The following IL1R2 variants were observed in gnomAD, a reference collection of about 807,000 sequenced individuals.
The protein encoded by IL1R2 is interleukin 1 receptor type 2, also known as interleukin-1 receptor type 2.
Under a neutral mutation model 39.5 loss-of-function variants are expected in IL1R2, and 46 were observed. The observed-to-expected ratio is 1.16, with a 90% confidence interval of 0.92 to 1.49. The LOEUF (loss-of-function observed/expected upper bound fraction) is 1.49. Among genes scored for constraint, IL1R2 ranks in the 40% most tolerant of loss-of-function variants. The pLI is 0.00. For missense variants in IL1R2, 537 were observed against 502.0 expected, an observed-to-expected ratio of 1.07 and a Z score of -0.67; for synonymous variants, 207 against 189.6, an observed-to-expected ratio of 1.09 and a Z score of -0.75.
In IL1R2 at chr2:102,001,807, T is replaced by C. The variant is rs1577682879; in HGVS notation, c.-61-6708T>C. The stretch of plus-strand genomic sequence containing the variant: ...GGTTAATTTTGATGTAAATATTTAT[T>C]TCCTCATGGGTTTCAAAGAATTTAT... On this transcript the variant is annotated intron_variant, in intron 1 of 8. Transcript: ENST00000332549. 2.0e-5 allele frequency among the ~76,000 whole-genome samples: 3 copies of C among 152,324 alleles called. No homozygotes were observed. The South Asian group carries it at 6.2e-4, about 32-fold the overall frequency.
Position 102,009,558 on chromosome 2 carries a change from T to A in IL1R2, c.68-4T>A. ...AGCCTGACCATGGGCTCTCTGTCCTTCAGGGGCTGCCAGAAGCTGCCGGTT... is the reference window on the plus strand; with the variant it reads ...AGCCTGACCATGGGCTCTCTGTCCTACAGGGGCTGCCAGAAGCTGCCGGTT... On this transcript the variant is annotated splice_polypyrimidine_tract_variant and splice_region_variant and intron_variant, in intron 2 of 8. Coordinates refer to ENST00000332549, the MANE Select transcript of IL1R2 (RefSeq NM_004633.4). The A allele has an allele frequency of 6.2e-7, 1 of 1,613,540 alleles. No homozygotes were observed.
intron 1 of IL1R2, among the ~76,000 whole-genome samples, chr2:101,996,915 A>G (rs1435027418): frequency 6.6e-6 from 1 of 152,110 alleles, no homozygotes; most frequent in African/African-American, 2.4e-5. Flanking sequence ...AGGGCAGGGG[A>G]ATTAAGCCTG....
At chr2:101,996,761 G>A (rs1285529170) in intron 1 of IL1R2, among the ~76,000 whole-genome samples, 4 of 151,090 alleles carry the variant, frequency 2.6e-5, no homozygotes, top group African/African-American at 9.7e-5. Flanking sequence ...CTGATTATAT[G>A]TATTATATAC....
At chr2:102,005,334 A>C (rs1676193857) in intron 1 of IL1R2, among the ~76,000 whole-genome samples, 1 of 152,210 alleles carries the variant, frequency 6.6e-6, no homozygotes, top group African/African-American at 2.4e-5. Flanking sequence ...TACCTGAAAT[A>C]GTTGAGTATC....
chr2:102,028,138 C>T, intron 8 of IL1R2, 88 bp from the exon 9 acceptor site: 2 of 1,149,038 alleles, frequency 1.7e-6, no homozygotes, highest in Non-Finnish European at 2.3e-6. Flanking sequence ...ACTCCAATTT[C>T]TTTCTTATCT....
rs926197226 is a variant in IL1R2, at chr2:102,008,696, A to G, written c.67+54A>G. On this transcript the variant is annotated intron_variant, in intron 2 of 8. Coordinates refer to ENST00000332549, the MANE Select transcript of IL1R2 (RefSeq NM_004633.4). ...AGGCTTGCCTGTAGCTTCGCTGGGG[A>G]AAGATGTTATCTAGAGAAGTTTCCT... 2.1e-6 allele frequency: 3 copies of G among 1,449,336 alleles called. No individual in the cohort carries two copies. The African/African-American group carries it at 4.2e-5, about 20-fold the overall frequency. 89.8% of individuals were successfully genotyped at this position (1,449,336 alleles called of 1,614,324 possible).
At chr2:101,996,162 G>A (rs1675575452) in intron 1 of IL1R2, among the ~76,000 whole-genome samples, 1 of 146,342 alleles carries the variant, frequency 6.8e-6, no homozygotes, top group Non-Finnish European at 1.5e-5. Flanking sequence ...CACCATGTAG[G>A]GTTACCCAGT....
Position 102,019,812 on chromosome 2 carries a change from A to G in IL1R2, c.688A>G (p.Lys230Glu). 1 of 1,612,536 alleles carries G rather than the reference A, an allele frequency of 6.2e-7. No individual in the cohort carries two copies. Among genetic ancestry groups the G allele is most frequent in the South Asian group, 1.1e-5 (1 of 90,778 alleles). Reference protein sequence around the residue: ...ITRSIELRIKKKKEETIPVII... With the variant: ...ITRSIELRIKEKKEETIPVII... Reference sequence around the variant, plus strand: ...TAGGAGTATTGAGCTACGCATCAAGAGTAAGTACTTGCCATTGAGGCACCT... The same window carrying G: ...TAGGAGTATTGAGCTACGCATCAAGGGTAAGTACTTGCCATTGAGGCACCT... The change falls in exon 5 of 9, where the codon AAA becomes GAA. Residue 230 changes from lysine (K) to glutamate (E), a missense_variant and splice_region_variant. Lys to Glu is a moderately conservative substitution (Grantham distance 56). Transcript: ENST00000332549.
chr2:102,005,785 G>A (rs1221569238), intron 1 of IL1R2, among the ~76,000 whole-genome samples: 3 of 152,198 alleles, frequency 2.0e-5, no homozygotes, highest in South Asian at 2.1e-4. Flanking sequence ...GGTAAGATTC[G>A]GGGGTTCTAT....
At chr2:102,002,359 T>TGTGTCG (rs1675914325) in intron 1 of IL1R2, among the ~76,000 whole-genome samples, 2 of 151,624 alleles carry the variant, frequency 1.3e-5, no homozygotes, top group African/African-American at 4.9e-5. Flanking sequence ...TGTCTGTGTC[T>TGTGTCG]GTGTCTGTGT....
At chr2:102,014,611 G>T (rs1676873840) in intron 3 of IL1R2, among the ~76,000 whole-genome samples, 1 of 151,998 alleles carries the variant, frequency 6.6e-6, no homozygotes, top group Admixed American at 6.5e-5. Context: ...TTACTTTCAA[G>T]TGGTAAGCTT....
At chr2:102,021,236 A>T (rs1267552698) in intron 5 of IL1R2, among the ~76,000 whole-genome samples, 2 of 151,032 alleles carry the variant, frequency 1.3e-5, no homozygotes, top group Non-Finnish European at 2.9e-5. Flanking sequence ...GAGACAACTC[A>T]CAGCCCTCAC....
chr2:102,025,900 A>T (rs915203773), intron 7 of IL1R2, among the ~76,000 whole-genome samples: 28 of 152,188 alleles, frequency 1.8e-4, no homozygotes, highest in African/African-American at 5.6e-4. Flanking sequence ...GTGACCGCCA[A>T]CTTCAGTGAC....
chr2:102,000,575 T>C (rs188329595), intron 1 of IL1R2, among the ~76,000 whole-genome samples: 50 of 152,330 alleles, frequency 3.3e-4, no homozygotes, highest in African/African-American at 1.2e-3. Flanking sequence ...ACTGGCAGTG[T>C]GCATCTCGTG....
At chr2:102,026,381 A>G in intron 8 of IL1R2, 128 bp downstream of exon 8, 1 of 768,802 alleles carries the variant, frequency 1.3e-6, no homozygotes, top group South Asian at 3.0e-5. Context: ...GCTAGTGGAG[A>G]GCTGAAAAGA....
chr2:102,016,938 T>C (rs1376534385), intron 4 of IL1R2, among the ~76,000 whole-genome samples: 1 of 152,234 alleles, frequency 6.6e-6, no homozygotes, highest in African/African-American at 2.4e-5. Flanking sequence ...ATTAATATGT[T>C]CTATTAGTCC....
intron 6 of IL1R2, among the ~76,000 whole-genome samples, chr2:102,024,077 A>C (rs1444798866): frequency 6.6e-6 from 1 of 152,032 alleles, no homozygotes; most frequent in Admixed American, 6.6e-5. Flanking sequence ...AACAAAAAAA[A>C]CACGAGTTTT....
At position 102,009,701 on chromosome 2, in the gene IL1R2, G is replaced by A; in HGVS notation, c.207G>A (p.Trp69Ter). 6.2e-7 allele frequency: 1 copy of A among 1,614,050 alleles called. No individual in the cohort carries two copies. Among genetic ancestry groups the A allele is most frequent in the East Asian group, 2.2e-5 (1 of 44,890 alleles). ...ASVSPRINLT[W>*]HKNDSARTVP... ...TCAGCCCCCGCATCAACCTGACATG[G>A]CATAAAAATGACTCTGCTAGGACGG... The change falls in exon 3 of 9, where the codon TGG (tryptophan) becomes TGA (stop). Residue 69 changes from tryptophan to a stop codon, truncating the protein, a stop_gained. Coordinates refer to ENST00000332549, the MANE Select transcript of IL1R2 (RefSeq NM_004633.4). LOFTEE classifies it high-confidence loss of function.
chr2:102,003,922 T>TGTCTAG (rs1218621441), intron 1 of IL1R2, among the ~76,000 whole-genome samples: 3 of 152,058 alleles, frequency 2.0e-5, no homozygotes, highest in South Asian at 2.1e-4. Context: ...TCTATGTGTA[T>TGTCTAG]GTCTAGGTCT....
Sources: allele counts gnomAD v4.1 joint callset (sites outside exome capture counted in the v4.1 genomes callset), GRCh38; gene constraint gnomAD v4.1.1; transcripts MANE v1.5; gene names NCBI Gene and HGNC (gene_info 2026-07-23, HGNC 2026-07-21).